NEDD1: variants seen among roughly 807,000 people sequenced by gnomAD.
NEDD1 encodes the protein NEDD1 gamma-tubulin ring complex targeting factor, also known as protein NEDD1.
Under a neutral mutation model 74.0 loss-of-function variants are expected in NEDD1, and 33 were observed. The observed-to-expected ratio is 0.45, with a 90% CI of 0.34 to 0.60. NEDD1 has a LOEUF of 0.60. Ranked by LOEUF, NEDD1 falls within the 20% of genes least tolerant of loss-of-function variation. NEDD1 has a pLI of 0.01. For synonymous variants in NEDD1, 250 were observed against 264.4 expected, an observed-to-expected ratio of 0.95 and a Z score of 0.53; for missense variants, 746 against 776.5, an observed-to-expected ratio of 0.96 and a Z score of 0.47.
Position 96,907,825 on chromosome 12 carries a change from C to T in NEDD1, c.-40C>T. 1 of 1,446,024 alleles carries T rather than the reference C, an allele frequency of 6.9e-7. No individual in the cohort carries two copies. Among genetic ancestry groups the T allele is most frequent in the Non-Finnish European group, 9.1e-7 (1 of 1,099,338 alleles). The allele number at this position is 1,446,024 out of a possible 1,614,324, so 89.6% of individuals were successfully genotyped here. ...TCTTTGAGGGACTCATGTAAAGTCTCTCCCTTAATGCTCAGTTCTTAGAAG... is the reference window on the plus strand; with the variant it reads ...TCTTTGAGGGACTCATGTAAAGTCTTTCCCTTAATGCTCAGTTCTTAGAAG... On this transcript the variant is annotated 5_prime_UTR_variant, in exon 2 of 16. Coordinates refer to ENST00000266742, the MANE Select transcript of NEDD1 (RefSeq NM_152905.4).
intron 7 of NEDD1, among the ~76,000 whole-genome samples, chr12:96,935,437 GATTTCACATTTTA>G (rs1443033237): frequency 6.6e-6 from 1 of 152,116 alleles, no homozygotes; most frequent in Non-Finnish European, 1.5e-5. Context: ...ACATCTTAAT[GATTTCACATTTTA>G]ATTTTAGCAT....
At chr12:96,913,249 C>A (rs1874104583) in intron 4 of NEDD1, among the ~76,000 whole-genome samples, 1 of 152,142 alleles carries the variant, frequency 6.6e-6, no homozygotes, top group African/African-American at 2.4e-5. Context: ...CAGATTCTGT[C>A]CACCTGTACT....
intron 12 of NEDD1, among the ~76,000 whole-genome samples, chr12:96,944,245 ATTTATTGTTT>A (rs1328345904): frequency 7.2e-5 from 11 of 152,062 alleles, no homozygotes; most frequent in African/African-American, 2.7e-4. Flanking sequence ...GTATTTTCGT[ATTTATTGTTT>A]AGAATGATAT....
At chr12:96,930,172 CA>C in intron 6 of NEDD1, among the ~76,000 whole-genome samples, 1 of 31,816 alleles carries the variant, frequency 3.1e-5, no homozygotes, top group Non-Finnish European at 7.1e-5. Flanking sequence ...CACACACACA[CA>C]CACACACACA....
intron 6 of NEDD1, among the ~76,000 whole-genome samples, chr12:96,927,295 A>G (rs1356868575): frequency 6.6e-6 from 1 of 152,254 alleles, no homozygotes; most frequent in African/African-American, 2.4e-5. Context: ...ACTGAATTGT[A>G]TATATTGAAA....
chr12:96,936,664 C>T lies in NEDD1; in HGVS notation c.773C>T (p.Pro258Leu). The T allele has an allele frequency of 2.5e-6, 4 of 1,613,774 alleles. No homozygotes were observed. The highest frequency in any genetic ancestry group is 1.1e-5 in the South Asian group (1 of 91,080). ...DTPLTAVDFM[P>L]DGATLAIGSS... ...CCTCTAACTGCGGTAGATTTCATGCCTGATGGAGCCACTTTGGCTATTGGA... is the reference window on the plus strand; with the variant it reads ...CCTCTAACTGCGGTAGATTTCATGCTTGATGGAGCCACTTTGGCTATTGGA... The change falls in exon 8 of 16, where the codon CCT becomes CTT. Residue 258 changes from proline to leucine, a missense_variant. Coordinates refer to ENST00000266742, the MANE Select transcript of NEDD1 (RefSeq NM_152905.4).
intron 6 of NEDD1, among the ~76,000 whole-genome samples, chr12:96,931,843 A>G (rs1876508077): frequency 6.6e-6 from 1 of 152,146 alleles, no homozygotes; most frequent in Admixed American, 6.5e-5. Flanking sequence ...TACCCCCTCA[A>G]AATGTCAACC....
chr12:96,926,969 A>G (rs1396670394), intron 6 of NEDD1, among the ~76,000 whole-genome samples: 2 of 133,126 alleles, frequency 1.5e-5, no homozygotes, highest in Non-Finnish European at 3.2e-5. Flanking sequence ...CCTGGGTGAC[A>G]GAGCGAAAAA....
At chr12:96,941,831 A>C (rs1877689835) in intron 10 of NEDD1, among the ~76,000 whole-genome samples, 1 of 152,168 alleles carries the variant, frequency 6.6e-6, no homozygotes, top group Admixed American at 6.6e-5. Flanking sequence ...ATGGTTCCAA[A>C]GTATTGATAA....
At position 96,909,912 on chromosome 12, in the gene NEDD1, A is replaced by AG; in HGVS notation, c.136+17_136+18insG. On this transcript the variant is annotated intron_variant, in intron 3 of 15. Transcript: ENST00000266742. Reference sequence around the variant, plus strand: ...GCAGCAATAGTATCCTTTAAAAAAAAAAAACACACACACACACACACAAAC... The same window carrying AG: ...GCAGCAATAGTATCCTTTAAAAAAAAGAAAACACACACACACACACACAAAC... The AG allele has an allele frequency of 6.3e-7, 1 of 1,591,032 alleles. No homozygotes were observed. Among genetic ancestry groups the AG allele is most frequent in the Non-Finnish European group, 8.5e-7 (1 of 1,173,144 alleles).
At chr12:96,929,556 T>TACACACACACACACAC (rs71078436) in intron 6 of NEDD1, among the ~76,000 whole-genome samples, 1 of 127,804 alleles carries the variant, frequency 7.8e-6, no homozygotes, top group African/African-American at 2.9e-5. Context: ...TTTTCATGTA[T>TACACACACACACACAC]ACACACACAC....
chr12:96,942,287 AG>A (rs1877737764), intron 10 of NEDD1, among the ~76,000 whole-genome samples: 1 of 152,136 alleles, frequency 6.6e-6, no homozygotes, highest in African/African-American at 2.4e-5. Context: ...ACTGGATTAT[AG>A]CTCTCCATAA....
At position 96,946,581 on chromosome 12, in the gene NEDD1, C is replaced by G. The variant is rs1317663975; in HGVS notation, c.1811+732C>G. Among the ~76,000 whole-genome samples the G allele has an allele frequency of 4.6e-5, 7 of 151,994 alleles. 1 individual carries two copies. The highest frequency in any genetic ancestry group is 1.3e-4 in the Admixed American group (2 of 15,254). On this transcript the variant is annotated intron_variant, in intron 14 of 15. Transcript: ENST00000266742. ...ATATATTTTTAAATGTCGAAAAATA[C>G]TTTTTAAAGAAAAATTGTAATTTTG...
intron 6 of NEDD1, among the ~76,000 whole-genome samples, chr12:96,927,068 G>A (rs562576864): frequency 1.4e-3 from 206 of 151,960 alleles, no homozygotes; most frequent in Non-Finnish European, 2.7e-3. Flanking sequence ...CTGTCAAAAA[G>A]TTGACATAAT....
At chr12:96,930,193 ACACACACACACACACACACTCTCTCT>A (rs1316200319) in intron 6 of NEDD1, among the ~76,000 whole-genome samples, 7 of 73,898 alleles carry the variant, frequency 9.5e-5, no homozygotes, top group Middle Eastern at 0.012. Context: ...ACACACACAC[ACACACACACACACACACACTCTCTCT>A]CTCTCTCTCT....
In NEDD1 at chr12:96,909,754, G is replaced by A. The variant is rs201249479; in HGVS notation, c.-6G>A. The A allele has an allele frequency of 1.1e-5, 18 of 1,607,270 alleles. No individual in the cohort carries two copies. The highest frequency in any genetic ancestry group is 1.7e-4 in the Middle Eastern group (1 of 6,056). ...ACATTGTTTTAAACTATTTGTAGGC[G>A]CAGTCATGCAGGAAAACCTCAGATT... On this transcript the variant is annotated splice_region_variant and 5_prime_UTR_variant, in exon 3 of 16. Transcript: ENST00000266742.
At position 96,952,775 on chromosome 12, in the gene NEDD1, A is replaced by T. The variant is rs1425322928; in HGVS notation, c.*722A>T. On this transcript the variant is annotated 3_prime_UTR_variant, in exon 16 of 16. Transcript: ENST00000266742. ...ACAAGAGCTATCTGGTGATTTTCTC[A>T]TTAGTAACATGCAACGTTGTACTGC... 3 of 151,754 alleles carry T rather than the reference A, an allele frequency of 2.0e-5. No individual in the cohort carries two copies. The highest frequency in any genetic ancestry group is 7.2e-5 in the African/African-American group (3 of 41,424). The allele number at this position is 151,754 out of a possible 1,614,324, so 9.4% of individuals were successfully genotyped here. A position where few individuals can be genotyped will look rare whatever the true frequency, so the allele number is the denominator to read the frequency against.
intron 6 of NEDD1, among the ~76,000 whole-genome samples, chr12:96,932,442 TAAA>T (rs747225218): frequency 4.7e-4 from 5 of 10,646 alleles, no homozygotes; most frequent in African/African-American, 1.9e-3. Flanking sequence ...TCCTGTCTCT[TAAA>T]AAAAAAAAAA....
chr12:96,916,390 T>C (rs1454525436), intron 4 of NEDD1, among the ~76,000 whole-genome samples: 1 of 128,888 alleles, frequency 7.8e-6, no homozygotes, highest in Non-Finnish European at 1.7e-5. Context: ...TATCTCCCAA[T>C]GCTATCCCTC....
Sources: gnomAD v4.1 joint callset for allele counts (sites outside exome capture counted in the v4.1 genomes callset) on GRCh38, gnomAD v4.1.1 for gene constraint, MANE v1.5 for transcripts, NCBI Gene and HGNC (gene_info 2026-07-23, HGNC 2026-07-21) for gene names.